Variants in TTC9 observed in about 807,000 individuals in gnomAD.
TTC9 encodes tetratricopeptide repeat domain 9, also known as tetratricopeptide repeat protein 9A.
In TTC9, 13 loss-of-function variants were observed where a neutral mutation model predicts 22.9. The ratio of observed to expected loss-of-function variants is 0.57; its 90% CI spans 0.37 to 0.90. The LOEUF is 0.90. Among genes scored for constraint, TTC9 ranks in the 40% least tolerant of loss-of-function variants. The pLI, the probability that TTC9 is intolerant of heterozygous loss-of-function variation, is 0.01. For synonymous variants in TTC9, 148 were observed against 133.2 expected (o/e 1.11, Z -0.77); for missense variants, 280 against 291.8 (o/e 0.96, Z 0.29).
chr14:70,657,606 G>A (rs920849679), intron 1 of TTC9, among the ~76,000 whole-genome samples: 2 of 152,188 alleles, frequency 1.3e-5, no homozygotes, highest in African/African-American at 4.8e-5. Flanking sequence ...AGAAATAGCA[G>A]CAGCAGTAGT....
chr14:70,666,669 CTT>C (rs1464837116), intron 1 of TTC9, among the ~76,000 whole-genome samples: 2 of 152,200 alleles, frequency 1.3e-5, no homozygotes, highest in Non-Finnish European at 2.9e-5. Context: ...ATCTTTGTCT[CTT>C]TCACGTTGTG....
intron 1 of TTC9, among the ~76,000 whole-genome samples, chr14:70,657,147 CA>C (rs1853285562): frequency 6.6e-6 from 1 of 152,236 alleles, no homozygotes. Flanking sequence ...GCCACTTTGA[CA>C]GCTATTTTTG....
intron 1 of TTC9, among the ~76,000 whole-genome samples, chr14:70,656,170 GAGC>G (rs1258090380): frequency 6.6e-6 from 1 of 150,992 alleles, no homozygotes; most frequent in Non-Finnish European, 1.5e-5. Context: ...CATACAGAAG[GAGC>G]AGAACTTTTA....
In TTC9 at chr14:70,671,731, G is replaced by A. The variant is rs1472745919; in HGVS notation, c.*576G>A. ...CCCCTGCCTCCTTCCCCCACTCGTTGTCTTGGCTTGTGCTTTCTCCTCTCC... is the reference window on the plus strand; with the variant it reads ...CCCCTGCCTCCTTCCCCCACTCGTTATCTTGGCTTGTGCTTTCTCCTCTCC... On this transcript the variant is annotated 3_prime_UTR_variant, in exon 3 of 3. Transcript: ENST00000256367. The A allele has an allele frequency of 7.5e-6, 1 of 134,028 alleles. No individual in the cohort carries two copies. The highest frequency in any genetic ancestry group is 2.9e-5 in the African/African-American group (1 of 34,566). 8.3% of individuals were successfully genotyped at this position (134,028 alleles called of 1,614,324 possible). A position where few individuals can be genotyped will look rare whatever the true frequency, so the allele number is the denominator to read the frequency against.
chr14:70,643,702 G>C (rs1885862295), intron 1 of TTC9, among the ~76,000 whole-genome samples: 1 of 151,494 alleles, frequency 6.6e-6, no homozygotes, highest in Non-Finnish European at 1.5e-5. Context: ...TGGCAATTCT[G>C]CTCGGTTCTT....
intron 2 of TTC9, among the ~76,000 whole-genome samples, chr14:70,669,758 A>G (rs1886266579): frequency 6.6e-6 from 1 of 152,156 alleles, no homozygotes; most frequent in Non-Finnish European, 1.5e-5. Flanking sequence ...AAGACTAACC[A>G]TTGGACTCAT....
intron 1 of TTC9, 40 bp from the exon 2 acceptor site, chr14:70,667,524 A>G (rs1886231738): frequency 3.7e-6 from 6 of 1,609,536 alleles, no homozygotes; most frequent in Admixed American, 1.7e-5. Flanking sequence ...AGAGCTGGCC[A>G]CTGTTGTGCT....
At chr14:70,670,672 A>G (rs910258231) in intron 2 of TTC9, among the ~76,000 whole-genome samples, 1 of 151,776 alleles carries the variant, frequency 6.6e-6, no homozygotes, top group Non-Finnish European at 1.5e-5. Context: ...AACAAAAAAA[A>G]ATAGAGGTTG....
intron 1 of TTC9, among the ~76,000 whole-genome samples, chr14:70,662,881 A>G (rs1340216322): frequency 6.6e-6 from 1 of 152,240 alleles, no homozygotes; most frequent in Non-Finnish European, 1.5e-5. Flanking sequence ...ACTTCTCGAC[A>G]ATCAGGAAAT....
At chr14:70,667,770 T>A in intron 2 of TTC9, 24 bp downstream of exon 2, 1 of 1,560,202 alleles carries the variant, frequency 6.4e-7, no homozygotes, top group Non-Finnish European at 8.7e-7. Flanking sequence ...AGCTGTTTTC[T>A]TACTTCCTCC....
chr14:70,647,774 A>G (rs561003888), intron 1 of TTC9, among the ~76,000 whole-genome samples: 2 of 152,358 alleles, frequency 1.3e-5, no homozygotes, highest in South Asian at 4.1e-4. Context: ...GTTTAAAGAT[A>G]AAGTGACTAA....
intron 1 of TTC9, among the ~76,000 whole-genome samples, chr14:70,652,200 C>T (rs1056292511): frequency 3.3e-5 from 5 of 152,178 alleles, no homozygotes; most frequent in South Asian, 2.1e-4. Flanking sequence ...TGGGAGCAGT[C>T]GGATTTGGGG....
At chr14:70,658,649 A>T (rs948782588) in intron 1 of TTC9, among the ~76,000 whole-genome samples, 1 of 152,214 alleles carries the variant, frequency 6.6e-6, no homozygotes, top group Non-Finnish European at 1.5e-5. Context: ...TGCAAAAAAA[A>T]ACTGAAGCCA....
At position 70,654,587 on chromosome 14, in the gene TTC9, C is replaced by CAAAAA. The variant is rs61046584; in HGVS notation, c.406+12083_406+12087dup. ...CCTGGGCAACAGTAAGGCTCTGTCTCAAAAAAAAAAAAAAAAAAAAAAAAA... is the reference window on the plus strand; with the variant it reads ...CCTGGGCAACAGTAAGGCTCTGTCTCAAAAAAAAAAAAAAAAAAAAAAAAAAAAAA... On this transcript the variant is annotated intron_variant, in intron 1 of 2. Coordinates refer to ENST00000256367, the MANE Select transcript of TTC9 (RefSeq NM_015351.2). Among the ~76,000 whole-genome samples, 179 of 57,130 alleles carry CAAAAA rather than the reference C, an allele frequency of 3.1e-3. 9 individuals are homozygous for CAAAAA. The highest frequency in any genetic ancestry group is 7.6e-3 in the East Asian group (22 of 2,878). 37.5% of individuals were successfully genotyped at this position (57,130 alleles called of 152,430 possible).
intron 2 of TTC9, among the ~76,000 whole-genome samples, chr14:70,670,474 A>G (rs1886278077): frequency 1.3e-5 from 2 of 152,038 alleles, no homozygotes; most frequent in Non-Finnish European, 2.9e-5. Context: ...CCTGGCCAAT[A>G]TGATGAAACC....
At chr14:70,650,354 C>T (rs978630189) in intron 1 of TTC9, among the ~76,000 whole-genome samples, 10 of 151,426 alleles carry the variant, frequency 6.6e-5, no homozygotes, top group East Asian at 1.9e-4. Flanking sequence ...ACCTGGGAGA[C>T]GGAGGTTGCG....
At chr14:70,654,847 G>A (rs747378981) in intron 1 of TTC9, among the ~76,000 whole-genome samples, 1 of 152,110 alleles carries the variant, frequency 6.6e-6, no homozygotes, top group Non-Finnish European at 1.5e-5. Context: ...AAATGGAAGC[G>A]AGGTACAGAA....
chr14:70,664,594 C>T (rs995424140), intron 1 of TTC9, among the ~76,000 whole-genome samples: 25 of 152,164 alleles, frequency 1.6e-4, no homozygotes, highest in African/African-American at 4.3e-4. Context: ...GGCATGGTGG[C>T]GGGCATCTGT....
intron 1 of TTC9, among the ~76,000 whole-genome samples, chr14:70,649,453 T>C (rs1334213982): frequency 6.7e-6 from 1 of 149,848 alleles, no homozygotes; most frequent in Non-Finnish European, 1.5e-5. Flanking sequence ...GTATATATAA[T>C]TTCATTTGAT....
Sources: allele counts gnomAD v4.1 joint callset (sites outside exome capture counted in the v4.1 genomes callset), GRCh38; gene constraint gnomAD v4.1.1; transcripts MANE v1.5; gene names NCBI Gene and HGNC (gene_info 2026-07-23, HGNC 2026-07-21).